Variants in PCSK5 observed in about 807,000 individuals in gnomAD.
PCSK5 encodes the protein proprotein convertase subtilisin/kexin type 5.
Under a neutral mutation model 233.2 loss-of-function variants are expected in PCSK5, and 129 were observed. That is an observed-to-expected ratio of 0.55 (90% CI 0.48 to 0.64). The LOEUF is 0.64. Ranked by LOEUF, PCSK5 falls within the 30% of genes least tolerant of loss-of-function variation. The probability of loss-of-function intolerance (pLI) is 0.00; values close to 1 mark genes in which losing one functional copy is unlikely to be tolerated. For missense variants in PCSK5, 2,076 were observed against 2,430.1 expected (o/e 0.85, Z 3.06); for synonymous variants, 825 against 879.2 (o/e 0.94, Z 1.09).
chr9:76,082,601 G>A (rs775197161), intron 7 of PCSK5, among the ~76,000 whole-genome samples: 5 of 151,896 alleles, frequency 3.3e-5, no homozygotes, highest in South Asian at 2.1e-4. Flanking sequence ...AAGTGCAAGC[G>A]AGCTCCGAAA....
intron 10 of PCSK5, among the ~76,000 whole-genome samples, chr9:76,142,366 G>C (rs571190308): frequency 1.3e-5 from 2 of 151,990 alleles, no homozygotes; most frequent in South Asian, 4.2e-4. Context: ...AGTCAGAAAA[G>C]TCCTCTTTAA....
intron 24 of PCSK5, among the ~76,000 whole-genome samples, chr9:76,249,002 G>A (rs1433651189): frequency 2.0e-5 from 3 of 152,150 alleles, no homozygotes; most frequent in Non-Finnish European, 4.4e-5. Context: ...GCCTCAAGCA[G>A]TCCTCCCACC....
At chr9:76,057,831 G>GTTT (rs1829875717) in intron 5 of PCSK5, among the ~76,000 whole-genome samples, 1 of 124,880 alleles carries the variant, frequency 8.0e-6, no homozygotes, top group African/African-American at 3.1e-5. Context: ...GTATTCAGGG[G>GTTT]CTTTTTTTTT....
intron 9 of PCSK5, among the ~76,000 whole-genome samples, chr9:76,107,670 C>T (rs986490335): frequency 1.3e-5 from 2 of 152,180 alleles, no homozygotes; most frequent in African/African-American, 2.4e-5. Flanking sequence ...TGTTCCTGAG[C>T]GTCCCAGAGA....
intron 25 of PCSK5, among the ~76,000 whole-genome samples, chr9:76,294,706 A>G (rs993437710): frequency 2.0e-5 from 3 of 151,904 alleles, no homozygotes; most frequent in African/African-American, 4.8e-5. Context: ...TCAGTACTCT[A>G]TAAATAAGTA....
At chr9:76,188,539 A>G (rs1407726672) in intron 17 of PCSK5, 39 bp from the exon 18 acceptor site, 1 of 1,406,676 alleles carries the variant, frequency 7.1e-7, no homozygotes, top group East Asian at 2.3e-5. Context: ...TGGCCTCATC[A>G]CAACAGTCTG....
intron 8 of PCSK5, among the ~76,000 whole-genome samples, chr9:76,101,109 AC>A (rs1430010835): frequency 5.1e-4 from 77 of 152,220 alleles, no homozygotes; most frequent in African/African-American, 1.6e-3. Flanking sequence ...ACCTGGTAGT[AC>A]ATATTTTCTT....
At chr9:76,356,824 T>G in intron 37 of PCSK5, among the ~76,000 whole-genome samples, 1 of 152,240 alleles carries the variant, frequency 6.6e-6, no homozygotes, top group Non-Finnish European at 1.5e-5. Flanking sequence ...TATATTCATT[T>G]ATCTAGAATG....
intron 12 of PCSK5, among the ~76,000 whole-genome samples, chr9:76,162,121 G>A (rs1274866295): frequency 6.6e-6 from 1 of 152,176 alleles, no homozygotes; most frequent in Non-Finnish European, 1.5e-5. Flanking sequence ...TACAAGCTCT[G>A]CAGAATTATT....
chr9:76,149,724 C>G (rs879929674), intron 10 of PCSK5, among the ~76,000 whole-genome samples: 1 of 152,112 alleles, frequency 6.6e-6, no homozygotes, highest in Non-Finnish European at 1.5e-5. Context: ...AAAATGGGAT[C>G]TGGATATGAT....
rs564595934 is a variant in PCSK5 at position 75,940,079 on chromosome 9, C to T, written c.297+7596C>T. Among the ~76,000 whole-genome samples the T allele has an allele frequency of 2.6e-5, 4 of 152,302 alleles. No individual in the cohort carries two copies. In the East Asian group the frequency reaches 7.7e-4, roughly 29 times the overall value. ...ACTTTACTATCCAATGCTGCCATACCATCCATTGTACTTCTAAAAGGAATT... is the reference window on the plus strand; with the variant it reads ...ACTTTACTATCCAATGCTGCCATACTATCCATTGTACTTCTAAAAGGAATT... On this transcript the variant is annotated intron_variant, in intron 2 of 37. Coordinates refer to ENST00000674117, the MANE Select transcript of PCSK5 (RefSeq NM_001372043.1).
At chr9:76,020,189 T>G (rs1828121089) in intron 3 of PCSK5, among the ~76,000 whole-genome samples, 1 of 152,226 alleles carries the variant, frequency 6.6e-6, no homozygotes, top group Admixed American at 6.5e-5. Context: ...GTGTTCCGTT[T>G]GCCTCTGGGT....
chr9:75,957,258 G>C (rs1183057031), intron 2 of PCSK5, among the ~76,000 whole-genome samples: 1 of 152,176 alleles, frequency 6.6e-6, no homozygotes, highest in Non-Finnish European at 1.5e-5. Flanking sequence ...TTCAGGCCAA[G>C]TGATCCATAA....
At chr9:76,134,420 T>A (rs1822889372) in intron 10 of PCSK5, among the ~76,000 whole-genome samples, 2 of 152,008 alleles carry the variant, frequency 1.3e-5, no homozygotes, top group African/African-American at 4.8e-5. Flanking sequence ...GCTTCCCACA[T>A]CATAGGTCAA....
intron 20 of PCSK5, among the ~76,000 whole-genome samples, chr9:76,204,334 A>T (rs901203621): frequency 6.6e-6 from 1 of 152,182 alleles, no homozygotes; most frequent in Non-Finnish European, 1.5e-5. Context: ...CTCCTGCTAA[A>T]ACCTGTGGCT....
intron 3 of PCSK5, among the ~76,000 whole-genome samples, chr9:75,993,306 T>C (rs1285734280): frequency 6.6e-6 from 1 of 152,072 alleles, no homozygotes; most frequent in Non-Finnish European, 1.5e-5. Context: ...AGTTGAGATG[T>C]GGTTTTGTTG....
At chr9:76,244,298 G>A (rs1044072796) in intron 24 of PCSK5, among the ~76,000 whole-genome samples, 6 of 152,150 alleles carry the variant, frequency 3.9e-5, no homozygotes, top group African/African-American at 1.4e-4. Context: ...GCTTTGATCA[G>A]ACCATGGTTT....
intron 2 of PCSK5, among the ~76,000 whole-genome samples, chr9:75,954,182 A>G (rs1423266727): frequency 1.3e-5 from 2 of 152,104 alleles, no homozygotes; most frequent in South Asian, 2.1e-4. Flanking sequence ...AAACAGGCCT[A>G]TTTTTTCCTC....
intron 2 of PCSK5, among the ~76,000 whole-genome samples, chr9:75,982,672 A>C (rs570017947): frequency 6.7e-6 from 1 of 149,234 alleles, no homozygotes; most frequent in African/African-American, 2.5e-5. Context: ...AACTGTCTCT[A>C]TATTAGGGAG....
Sources: gnomAD v4.1 joint callset for allele counts (sites outside exome capture counted in the v4.1 genomes callset) on GRCh38, gnomAD v4.1.1 for gene constraint, MANE v1.5 for transcripts, NCBI Gene and HGNC (gene_info 2026-07-23, HGNC 2026-07-21) for gene names.